Variants in SLC35F3 observed in about 807,000 individuals in gnomAD.
The protein encoded by SLC35F3 is putative thiamine transporter SLC35F3.
SLC35F3 carries 25 observed loss-of-function variants against 49.9 expected under a neutral mutation model. The ratio of observed to expected loss-of-function variants is 0.50; its 90% CI spans 0.37 to 0.70. The LOEUF is 0.70. Among genes scored for constraint, SLC35F3 ranks in the 30% least tolerant of loss-of-function variants. The probability of loss-of-function intolerance (pLI) is 0.00; values close to 1 mark genes in which losing one functional copy is unlikely to be tolerated. For synonymous variants in SLC35F3, 275 were observed against 265.4 expected, an observed-to-expected ratio of 1.04 and a Z score of -0.35; for missense variants, 525 against 639.8, an observed-to-expected ratio of 0.82 and a Z score of 1.94.
At chr1:234,074,880 C>T (rs1664771444) in intron 2 of SLC35F3, among the ~76,000 whole-genome samples, 1 of 152,036 alleles carries the variant, frequency 6.6e-6, no homozygotes, top group Non-Finnish European at 1.5e-5. Flanking sequence ...CTGCTTTTAC[C>T]ACATTTGAGA....
intron 2 of SLC35F3, among the ~76,000 whole-genome samples, chr1:234,044,765 G>T (rs1664266023): frequency 6.6e-6 from 1 of 152,010 alleles, no homozygotes; most frequent in Non-Finnish European, 1.5e-5. Context: ...TTTCAGTTGG[G>T]TTATTTATCA....
At chr1:234,150,684 T>C (rs1666063723) in intron 2 of SLC35F3, among the ~76,000 whole-genome samples, 1 of 152,202 alleles carries the variant, frequency 6.6e-6, no homozygotes, top group African/African-American at 2.4e-5. Flanking sequence ...AGAGGCAGTG[T>C]CGTTTTTCCA....
At chr1:234,159,403 G>C (rs6667821) in intron 2 of SLC35F3, among the ~76,000 whole-genome samples, 25,272 of 151,848 alleles carry the variant, frequency 0.17, 6,726 homozygotes, top group African/African-American at 0.56. Flanking sequence ...ATGGTGAAAC[G>C]CCGTCTCTAC....
rs746798219 is a variant in SLC35F3, at chr1:234,231,499, C to T, written c.366C>T (p.Arg122=). ...AGVEAGGRAS[R]RCWTCSRAQL... Reference sequence around the variant, plus strand: ...TGGAGGCCGGCGGGAGAGCGAGTCGCCGCTGCTGGACGTGCTCCCGGGCGC... The same window carrying T: ...TGGAGGCCGGCGGGAGAGCGAGTCGTCGCTGCTGGACGTGCTCCCGGGCGC... The change falls in exon 3 of 8, where the codon CGC becomes CGT. Residue 122 remains arginine, a synonymous_variant. Transcript: ENST00000366618. This position sits in a 1 kb window ranked among gnomAD's most constrained non-coding sequence, Gnocchi z 5.4. 4.3e-6 allele frequency: 7 copies of T among 1,613,190 alleles called. No homozygotes were observed. Among genetic ancestry groups the T allele is most frequent in the African/African-American group, 1.3e-5 (1 of 75,016 alleles).
chr1:234,277,193 GC>G (rs919154197), intron 3 of SLC35F3, among the ~76,000 whole-genome samples: 30 of 152,214 alleles, frequency 2.0e-4, no homozygotes, highest in Admixed American at 1.9e-3. Flanking sequence ...AGCTACCAGG[GC>G]TCTGTGTGGC....
rs543831328 is a variant in SLC35F3, at chr1:233,915,236, A to G, written c.283+9478A>G. Among the ~76,000 whole-genome samples, 3 of 152,344 alleles carry G rather than the reference A, an allele frequency of 2.0e-5. No homozygotes were observed. In the South Asian group the frequency reaches 6.2e-4, roughly 32 times the overall value. On this transcript the variant is annotated intron_variant, in intron 2 of 7. Coordinates refer to ENST00000366618, the MANE Select transcript of SLC35F3 (RefSeq NM_173508.4). ...TTATCCTTCTTCACCATCTACTTGTAACAATGTACTGTTATAAAAATTCAG... is the reference window on the plus strand; with the variant it reads ...TTATCCTTCTTCACCATCTACTTGTGACAATGTACTGTTATAAAAATTCAG...
chr1:233,990,601 A>G (rs1264234011), intron 2 of SLC35F3, among the ~76,000 whole-genome samples: 2 of 149,052 alleles, frequency 1.3e-5, no homozygotes, highest in Non-Finnish European at 2.9e-5. Flanking sequence ...CTAAGGGAGT[A>G]GATCTTAGGT....
At chr1:234,050,034 T>C (rs1664351609) in intron 2 of SLC35F3, among the ~76,000 whole-genome samples, 1 of 152,232 alleles carries the variant, frequency 6.6e-6, no homozygotes, top group Admixed American at 6.5e-5. Flanking sequence ...ATCCAGTCTA[T>C]CATTGATGGA....
At chr1:233,919,851 C>T (rs916089679) in intron 2 of SLC35F3, among the ~76,000 whole-genome samples, 2 of 152,134 alleles carry the variant, frequency 1.3e-5, no homozygotes, top group African/African-American at 4.8e-5. Context: ...TGCTGTATCA[C>T]TGCTCCCTGG....
chr1:234,236,925 T>TTTTATATATATATATATA (rs1553317673), intron 3 of SLC35F3, among the ~76,000 whole-genome samples: 10 of 96,294 alleles, frequency 1.0e-4, no homozygotes, highest in Non-Finnish European at 1.2e-4. Context: ...AAAAAAAAAA[T>TTTTATATATATATATATA]TATATATATA....
intron 3 of SLC35F3, among the ~76,000 whole-genome samples, chr1:234,303,013 T>C (rs1041314658): frequency 6.6e-6 from 1 of 152,238 alleles, no homozygotes; most frequent in African/African-American, 2.4e-5. Flanking sequence ...TACTTTTCTC[T>C]AGTATTTATA....
chr1:234,238,278 C>A (rs1002430627), intron 3 of SLC35F3, among the ~76,000 whole-genome samples: 2 of 152,152 alleles, frequency 1.3e-5, no homozygotes, highest in African/African-American at 4.8e-5. Context: ...ACACACATAG[C>A]CAGCTGAATA....
At chr1:234,054,137 A>C (rs190817494) in intron 2 of SLC35F3, among the ~76,000 whole-genome samples, 1,679 of 152,176 alleles carry the variant, frequency 0.011, 24 homozygotes, top group African/African-American at 0.037. Context: ...GCTCCTCTCG[A>C]GGAGTATCTT....
At position 234,053,174 on chromosome 1, in the gene SLC35F3, T is replaced by C. The variant is rs565544508; in HGVS notation, c.283+147416T>C. 2.4e-4 allele frequency among the ~76,000 whole-genome samples: 36 copies of C among 152,314 alleles called. No homozygotes were observed. In the South Asian group the frequency reaches 7.3e-3, roughly 31 times the overall value. On this transcript the variant is annotated intron_variant, in intron 2 of 7. Transcript: ENST00000366618. ...TAGGTCCTCTTGGTGCAGAGCTGAG[T>C]TCAAGTCCTGGATATCCTTGTTAAC...
At chr1:234,262,288 G>C (rs1006056025) in intron 3 of SLC35F3, among the ~76,000 whole-genome samples, 1 of 152,248 alleles carries the variant, frequency 6.6e-6, no homozygotes, top group African/African-American at 2.4e-5. Flanking sequence ...CTTGCTTGCT[G>C]TGCATTTAGG....
chr1:234,162,436 G>A (rs944764988), intron 2 of SLC35F3, among the ~76,000 whole-genome samples: 7 of 147,058 alleles, frequency 4.8e-5, no homozygotes, highest in African/African-American at 1.5e-4. Flanking sequence ...AGGTGGAGAG[G>A]GATTATAAGT....
chr1:234,282,338 A>G (rs575574060), intron 3 of SLC35F3, among the ~76,000 whole-genome samples: 11 of 152,120 alleles, frequency 7.2e-5, no homozygotes, highest in African/African-American at 2.4e-4. Flanking sequence ...GGCCCCTCCT[A>G]TGTCCTTAGT....
At chr1:234,295,917 G>A (rs1207388652) in intron 3 of SLC35F3, among the ~76,000 whole-genome samples, 1 of 152,166 alleles carries the variant, frequency 6.6e-6, no homozygotes. Context: ...CCAAGTAAAG[G>A]TCCACACACT....
intron 2 of SLC35F3, among the ~76,000 whole-genome samples, chr1:233,926,342 T>G: frequency 6.6e-6 from 1 of 152,200 alleles, no homozygotes; most frequent in East Asian, 1.9e-4. Flanking sequence ...CTTTTTACTC[T>G]TTTTTCTCTA....
Sources: gnomAD v4.1 joint callset for allele counts (sites outside exome capture counted in the v4.1 genomes callset) on GRCh38, gnomAD v4.1.1 for gene constraint, Gnocchi (gnomAD v3.1) non-coding constraint, MANE v1.5 for transcripts, NCBI Gene and HGNC (gene_info 2026-07-23, HGNC 2026-07-21) for gene names.